The following NEBL variants were observed in gnomAD, a reference collection of about 807,000 sequenced individuals.
NEBL encodes LIM and SH3 protein 2.
NEBL carries 122 observed loss-of-function variants against 140.2 expected under a neutral mutation model. The observed-to-expected ratio is 0.87, with a 90% CI of 0.75 to 1.01. The LOEUF is 1.01. Ranked by LOEUF, NEBL falls within the 50% of genes least tolerant of loss-of-function variation. The pLI is 0.00. For missense variants in NEBL, 1,365 were observed against 1,231.3 expected (o/e 1.11, Z -1.62); for synonymous variants, 436 against 398.9 (o/e 1.09, Z -1.11).
upstream of NEBL, among the ~76,000 whole-genome samples, chr10:21,293,014 G>T (rs1843165933): frequency 6.6e-6 from 1 of 152,212 alleles, no homozygotes; most frequent in South Asian, 2.1e-4. Flanking sequence ...GAGTCTCCGT[G>T]GTTCCTCCCA....
At chr10:20,858,375 C>A (rs1226476753) in intron 8 of NEBL, 31 bp from the exon 9 acceptor site, 2 of 1,475,442 alleles carry the variant, frequency 1.4e-6, no homozygotes, top group South Asian at 1.1e-5. Context: ...AAAATACCAT[C>A]GAGGAGAAGA....
intron 4 of NEBL, among the ~76,000 whole-genome samples, chr10:20,945,486 C>T (rs756842695): frequency 4.6e-5 from 7 of 152,182 alleles, no homozygotes; most frequent in Non-Finnish European, 7.3e-5. Context: ...AGCATCAACC[C>T]TTAATAACAT....
In NEBL at chr10:21,076,444, CAAAAAAAAA is replaced by C. The variant is rs56013237; in HGVS notation, c.165-56252_165-56244del. Among the ~76,000 whole-genome samples, 133 of 50,056 alleles carry C rather than the reference CAAAAAAAAA, an allele frequency of 2.7e-3. No homozygotes were observed. The South Asian group carries it at 0.067, about 25-fold the overall frequency. 32.8% of individuals were successfully genotyped at this position (50,056 alleles called of 152,430 possible). On this transcript the variant is annotated intron_variant, in intron 2 of 6. Transcript: ENST00000417816. ...TGGGCAACAGAGAGAGACTCAGTTTCAAAAAAAAAAAAAAAAAAAAAAAAAAAAAAGAAT... is the reference window on the plus strand; with the variant it reads ...TGGGCAACAGAGAGAGACTCAGTTTCAAAAAAAAAAAAAAAAAAAAAGAAT...
At chr10:21,065,269 C>A (rs1422133185) in intron 2 of NEBL, among the ~76,000 whole-genome samples, 4 of 152,080 alleles carry the variant, frequency 2.6e-5, no homozygotes, top group African/African-American at 9.7e-5. Context: ...TGAGCTTGAT[C>A]ACAGTTTTCT....
At chr10:20,858,064 G>T (rs1843268123) in intron 9 of NEBL, among the ~76,000 whole-genome samples, 176 bp downstream of exon 9, 1 of 152,088 alleles carries the variant, frequency 6.6e-6, no homozygotes, top group African/African-American at 2.4e-5. Flanking sequence ...CCTTTGCAAA[G>T]TGACAGCTCT....
At chr10:21,101,441 C>A (rs1399617177) in intron 2 of NEBL, among the ~76,000 whole-genome samples, 1 of 152,206 alleles carries the variant, frequency 6.6e-6, no homozygotes, top group Non-Finnish European at 1.5e-5. Flanking sequence ...CCTTCTGCTA[C>A]CCCTTCTTGT....
chr10:21,192,384 G>A (rs960241910), intron 3 of NEBL, among the ~76,000 whole-genome samples: 3 of 151,238 alleles, frequency 2.0e-5, no homozygotes, highest in African/African-American at 7.3e-5. Context: ...AGTAGAGATG[G>A]GGTTTCACCT....
chr10:20,901,707 C>G (rs1847878820), upstream of NEBL, among the ~76,000 whole-genome samples: 1 of 152,098 alleles, frequency 6.6e-6, no homozygotes, highest in African/African-American at 2.4e-5. Context: ...ATTTGTTTCC[C>G]TGCCATGATG....
In NEBL at chr10:21,031,461, C is replaced by A. The variant is rs372289439; in HGVS notation, c.165-11260G>T. On this transcript the variant is annotated intron_variant, in intron 2 of 6. Transcript: ENST00000417816. ...TGGACCAAGACCACGCCTATTCCTG[C>A]CGCGATGGGAGGCCCAGGGGAGCAG... 1.1e-3 allele frequency among the ~76,000 whole-genome samples: 164 copies of A among 152,350 alleles called. 6 individuals are homozygous for A. The South Asian group carries it at 0.032, about 30-fold the overall frequency.
At chr10:20,810,409 A>G (rs1037388279) in intron 24 of NEBL, among the ~76,000 whole-genome samples, 1 of 152,258 alleles carries the variant, frequency 6.6e-6, no homozygotes, top group East Asian at 1.9e-4. Context: ...GAATATTTAA[A>G]ATGTGGAATG....
At chr10:21,041,681 T>G (rs561295079) in intron 2 of NEBL, among the ~76,000 whole-genome samples, 1 of 151,900 alleles carries the variant, frequency 6.6e-6, no homozygotes, top group African/African-American at 2.4e-5. Context: ...ATTAAGAAAA[T>G]AAAAATAAAA....
At position 21,126,107 on chromosome 10, in the gene NEBL, G is replaced by A. The variant is rs72796574; in HGVS notation, c.164+46276C>T. 0.012 allele frequency: 18,622 copies of A among 1,611,966 alleles called. 148 individuals carry two copies. The highest frequency in any genetic ancestry group is 0.014 in the Non-Finnish European group (16,504 of 1,178,196). ...GGCCTCAGGCCCTTCTCGGCTCTCCGTTCTGCCTTACCAGGCCTATGGGAT... is the reference window on the plus strand; with the variant it reads ...GGCCTCAGGCCCTTCTCGGCTCTCCATTCTGCCTTACCAGGCCTATGGGAT... On this transcript the variant is annotated intron_variant, in intron 2 of 6. Transcript: ENST00000417816.
intron 3 of NEBL, among the ~76,000 whole-genome samples, chr10:21,217,195 A>G (rs1188051201): frequency 2.0e-5 from 3 of 152,164 alleles, no homozygotes; most frequent in Non-Finnish European, 4.4e-5. Context: ...TCTAAAACAG[A>G]TGAGAGGGTA....
chr10:21,269,821 G>T (rs1204219633), intron 1 of NEBL, among the ~76,000 whole-genome samples: 1 of 152,142 alleles, frequency 6.6e-6, no homozygotes, highest in Non-Finnish European at 1.5e-5. Context: ...CTACCAGACT[G>T]GGTCTCCAGG....
intron 4 of NEBL, among the ~76,000 whole-genome samples, chr10:20,941,527 A>T (rs965239837): frequency 1.3e-5 from 2 of 152,020 alleles, no homozygotes. Context: ...CTGGCACAAG[A>T]CAGGGATGCC....
intron 7 of NEBL, among the ~76,000 whole-genome samples, chr10:20,865,933 C>G (rs1450665544): frequency 6.6e-6 from 1 of 151,706 alleles, no homozygotes; most frequent in Non-Finnish European, 1.5e-5. Flanking sequence ...TGTAGATTAC[C>G]ACTGTCACAG....
At chr10:21,199,639 A>G (rs985520600) in intron 3 of NEBL, among the ~76,000 whole-genome samples, 1 of 152,168 alleles carries the variant, frequency 6.6e-6, no homozygotes, top group Non-Finnish European at 1.5e-5. Flanking sequence ...TCAGGAGGCA[A>G]TGCATGGGTG....
intron 1 of NEBL, among the ~76,000 whole-genome samples, chr10:21,262,734 C>T (rs988427129): frequency 1.7e-4 from 26 of 152,262 alleles, no homozygotes; most frequent in African/African-American, 5.8e-4. Context: ...AAGGCTGGGG[C>T]TGGGGATGGA....
chr10:20,859,975 G>T (rs1843507554), intron 7 of NEBL, 149 bp from the exon 8 acceptor site: 2 of 504,428 alleles, frequency 4.0e-6, no homozygotes, highest in African/African-American at 4.0e-5. Flanking sequence ...GCTTAATTAG[G>T]CACAAAAGTT....
Sources: gnomAD v4.1 joint callset for allele counts (sites outside exome capture counted in the v4.1 genomes callset) on GRCh38, gnomAD v4.1.1 for gene constraint, MANE v1.5 for transcripts, NCBI Gene and HGNC (gene_info 2026-07-23, HGNC 2026-07-21) for gene names.